Variants in ELAVL2 observed in about 807,000 individuals in gnomAD.
ELAVL2 encodes ELAV like RNA binding protein 2, also known as ELAV-like protein 2.
In ELAVL2, 4 loss-of-function variants were observed where a neutral mutation model predicts 34.6. That is an observed-to-expected ratio of 0.12 (90% CI 0.06 to 0.26). The LOEUF (loss-of-function observed/expected upper bound fraction) is 0.26. Ranked by LOEUF, ELAVL2 falls within the 10% of genes least tolerant of loss-of-function variation. ELAVL2 has a pLI of 1.00. For missense variants in ELAVL2, 432 were observed against 442.8 expected, an observed-to-expected ratio of 0.98 and a Z score of 0.22; for synonymous variants, 193 against 154.8, an observed-to-expected ratio of 1.25 and a Z score of -1.83.
At chr9:23,806,017 A>G (rs1056383531) in intron 1 of ELAVL2, among the ~76,000 whole-genome samples, 8 of 152,166 alleles carry the variant, frequency 5.3e-5, no homozygotes, top group African/African-American at 1.7e-4. Context: ...GCAAACAGAT[A>G]CCATAAATTC....
At chr9:23,737,494 A>G (rs2048175443) in intron 2 of ELAVL2, among the ~76,000 whole-genome samples, 1 of 152,250 alleles carries the variant, frequency 6.6e-6, no homozygotes, top group Non-Finnish European at 1.5e-5. Flanking sequence ...AATTTGATAG[A>G]TTTACATAAA....
intron 3 of ELAVL2, among the ~76,000 whole-genome samples, chr9:23,710,018 C>G (rs1323221262): frequency 6.6e-6 from 1 of 151,992 alleles, no homozygotes; most frequent in Non-Finnish European, 1.5e-5. Flanking sequence ...AGGGGAGGGA[C>G]GGGGAGGCAG....
intron 2 of ELAVL2, among the ~76,000 whole-genome samples, chr9:23,742,200 T>TAC (rs1303781837): frequency 6.6e-6 from 1 of 152,138 alleles, no homozygotes; most frequent in African/African-American, 2.4e-5. Flanking sequence ...CCAAGATGAC[T>TAC]ACATCAGGCA....
chr9:23,722,583 T>C (rs1447258394), intron 3 of ELAVL2, among the ~76,000 whole-genome samples: 1 of 152,178 alleles, frequency 6.6e-6, no homozygotes, highest in Non-Finnish European at 1.5e-5. Context: ...AATTAAGGCC[T>C]CTCTCAGTTG....
intron 3 of ELAVL2, among the ~76,000 whole-genome samples, chr9:23,719,317 A>G (rs371651513): frequency 2.8e-4 from 43 of 152,256 alleles, no homozygotes; most frequent in Middle Eastern, 3.4e-3. Context: ...TTGGCAGATA[A>G]ATGTTCTTTA....
In ELAVL2 at chr9:23,704,910, C is replaced by T. The variant is rs754743473; in HGVS notation, c.487+8G>A. 1.9e-6 allele frequency: 3 copies of T among 1,613,812 alleles called. No homozygotes were observed. On this transcript the variant is annotated splice_region_variant and intron_variant, in intron 4 of 6. Coordinates refer to ENST00000397312, the MANE Select transcript of ELAVL2 (RefSeq NM_004432.5). ...GGGAAAGACTGTCCGGAGTGGCTGT[C>T]TACTTACCAGTGACCTGGTCGACAA...
At chr9:23,823,167 T>C (rs1373358721) in intron 1 of ELAVL2, among the ~76,000 whole-genome samples, 1 of 152,230 alleles carries the variant, frequency 6.6e-6, no homozygotes, top group African/African-American at 2.4e-5. Flanking sequence ...ATGACCTTAA[T>C]TGACTTTGTG....
At chr9:23,716,762 C>CTT (rs1018681173) in intron 3 of ELAVL2, among the ~76,000 whole-genome samples, 1 of 152,108 alleles carries the variant, frequency 6.6e-6, no homozygotes, top group African/African-American at 2.4e-5. Context: ...CCAAATAAAA[C>CTT]TTTATCAATG....
intron 1 of ELAVL2, among the ~76,000 whole-genome samples, chr9:23,783,202 A>G (rs907205269): frequency 6.6e-6 from 1 of 152,208 alleles, no homozygotes; most frequent in African/African-American, 2.4e-5. Context: ...ATAAGACATT[A>G]ATAAGCAGAA....
intron 3 of ELAVL2, among the ~76,000 whole-genome samples, chr9:23,727,585 A>G (rs2080075769): frequency 6.6e-6 from 1 of 152,050 alleles, no homozygotes; most frequent in African/African-American, 2.4e-5. Flanking sequence ...TGCTGTCATA[A>G]ATTACCTGGG....
intron 5 of ELAVL2, among the ~76,000 whole-genome samples, chr9:23,694,137 T>C (rs1398610485): frequency 1.3e-5 from 2 of 152,116 alleles, no homozygotes; most frequent in Non-Finnish European, 2.9e-5. Flanking sequence ...ATCACTCCAG[T>C]GTGCAACAAA....
At chr9:23,827,836 C>G (rs2138721259), upstream of ELAVL2, among the ~76,000 whole-genome samples, 1 of 152,264 alleles carries the variant, frequency 6.6e-6, no homozygotes, top group African/African-American at 2.4e-5. Flanking sequence ...ACCTGTTTAT[C>G]TCCCGTGTAG....
chr9:23,841,669 T>C, the ELAVL2 span, among the ~76,000 whole-genome samples: 7 of 152,078 alleles, frequency 4.6e-5, no homozygotes. Context: ...AATGAGAGAG[T>C]TGGAATGCCC....
At chr9:23,821,964 C>G (rs939132057) in intron 1 of ELAVL2, 1 of 151,448 alleles carries the variant, frequency 6.6e-6, no homozygotes, top group Non-Finnish European at 1.5e-5. Flanking sequence ...CCTTCGGGTC[C>G]GTGCCGGCAG....
At chr9:23,783,645 T>C (rs1047699413) in intron 1 of ELAVL2, among the ~76,000 whole-genome samples, 2 of 152,202 alleles carry the variant, frequency 1.3e-5, no homozygotes, top group Admixed American at 1.3e-4. Flanking sequence ...AAATCCTATG[T>C]GCAGGGCACT....
chr9:23,712,056 A>C (rs2133710895), intron 3 of ELAVL2, among the ~76,000 whole-genome samples: 1 of 152,258 alleles, frequency 6.6e-6, no homozygotes, highest in East Asian at 1.9e-4. Context: ...ATCTTCAACA[A>C]AGTAATATGG....
intron 3 of ELAVL2, among the ~76,000 whole-genome samples, chr9:23,716,413 A>T (rs766684158): frequency 3.2e-4 from 48 of 152,238 alleles, no homozygotes; most frequent in African/African-American, 1.2e-3. Context: ...TCTTCAATGT[A>T]TAGTGACACC....
At chr9:23,787,628 C>T (rs2059857037) in intron 1 of ELAVL2, among the ~76,000 whole-genome samples, 1 of 151,504 alleles carries the variant, frequency 6.6e-6, no homozygotes, top group Non-Finnish European at 1.5e-5. Flanking sequence ...GTGGGTCTAA[C>T]AAACTCCAGA....
intron 2 of ELAVL2, among the ~76,000 whole-genome samples, chr9:23,754,445 G>GTTTT (rs113168156): frequency 6.8e-6 from 1 of 146,564 alleles, no homozygotes; most frequent in Non-Finnish European, 1.5e-5. Context: ...TTGGCATTAA[G>GTTTT]TTTTTTTTTT....
Sources: allele counts gnomAD v4.1 joint callset (sites outside exome capture counted in the v4.1 genomes callset), GRCh38; gene constraint gnomAD v4.1.1; transcripts MANE v1.5; gene names NCBI Gene and HGNC (gene_info 2026-07-23, HGNC 2026-07-21).